Variants in PDCD11 observed in about 807,000 individuals in gnomAD.
PDCD11 encodes the protein programmed cell death 11.
Under a neutral mutation model 198.9 loss-of-function variants are expected in PDCD11, and 97 were observed. That is an observed-to-expected ratio of 0.49 (90% CI 0.41 to 0.58). The LOEUF is 0.58. Ranked by LOEUF, PDCD11 falls within the 20% of genes least tolerant of loss-of-function variation. The pLI is 0.00. For synonymous variants in PDCD11, 893 were observed against 918.0 expected (o/e 0.97, Z 0.49); for missense variants, 2,102 against 2,312.7 (o/e 0.91, Z 1.87).
In PDCD11 at chr10:103,406,031, T is replaced by G. The variant is rs1361258251; in HGVS notation, c.611T>G (p.Val204Gly). 15 of 1,614,084 alleles carry G rather than the reference T, an allele frequency of 9.3e-6. No homozygotes were observed. Among genetic ancestry groups the G allele is most frequent in the Non-Finnish European group, 1.2e-5 (14 of 1,179,950 alleles). The part of the protein sequence containing the change: ...VSSLEDHGYL[V>G]DIGVDGTRAF... ...AGCCTGGAAGACCATGGCTACCTAG[T>G]GGACATTGGTGTTGATGGGACCAGA... The change falls in exon 6 of 36, where the codon GTG (valine) becomes GGG (glycine). Residue 204 changes from valine (V) to glycine (G), a missense_variant. Physicochemically the swap from Val to Gly is moderately radical, Grantham distance 109. Transcript: ENST00000369797.
chr10:103,439,945 C>T, intron 28 of PDCD11, 77 bp downstream of exon 28: 12 of 1,546,348 alleles, frequency 7.8e-6, no homozygotes, highest in Non-Finnish European at 1.1e-5. Context: ...GAGGAGATTT[C>T]AGGGTGAACT....
intron 8 of PDCD11, among the ~76,000 whole-genome samples, 158 bp downstream of exon 8, chr10:103,409,964 A>G (rs890381669): frequency 6.6e-6 from 1 of 152,200 alleles, no homozygotes; most frequent in African/African-American, 2.4e-5. Context: ...GGCCAGATGC[A>G]GTGGCTCATG....
intron 9 of PDCD11, 58 bp downstream of exon 9, chr10:103,413,380 CAG>C (rs1228862183): frequency 2.9e-6 from 4 of 1,389,534 alleles, no homozygotes; most frequent in Non-Finnish European, 4.1e-6. Context: ...TTCTGGAGCA[CAG>C]GGGGCCATTT....
chr10:103,440,868 G>A lies in PDCD11; in HGVS notation c.4557+18G>A, dbSNP rs1447532797. On this transcript the variant is annotated intron_variant, in intron 30 of 35. Coordinates refer to ENST00000369797, the MANE Select transcript of PDCD11 (RefSeq NM_014976.2). ...TGCCCAAGGTGAGGGTGACGTCGCG[G>A]GGAGGGGAAGGCTGCTCCAGGCAAG... The A allele has an allele frequency of 6.4e-7, 1 of 1,553,686 alleles. No individual in the cohort carries two copies. Among genetic ancestry groups the A allele is most frequent in the Admixed American group, 1.7e-5 (1 of 58,186 alleles).
At chr10:103,410,359 GTTTGAT>G (rs2030722100) in intron 8 of PDCD11, among the ~76,000 whole-genome samples, 1 of 152,006 alleles carries the variant, frequency 6.6e-6, no homozygotes, top group Non-Finnish European at 1.5e-5. Context: ...CTTCCATATA[GTTTGAT>G]TTTTTTTTCC....
At chr10:103,422,660 GGTT>G (rs1303736513) in intron 17 of PDCD11, among the ~76,000 whole-genome samples, 1 of 152,044 alleles carries the variant, frequency 6.6e-6, no homozygotes, top group African/African-American at 2.4e-5. Context: ...CATTGTGTGG[GGTT>G]GTTGTAACTT....
chr10:103,443,142 T>A, intron 32 of PDCD11, 23 bp from the exon 33 acceptor site: 1 of 1,553,780 alleles, frequency 6.4e-7, no homozygotes, highest in Non-Finnish European at 8.7e-7. Context: ...GTGGCGCTCA[T>A]GTGCTGACTG....
intron 32 of PDCD11, 65 bp from the exon 33 acceptor site, chr10:103,443,100 T>G: frequency 7.0e-7 from 1 of 1,429,448 alleles, no homozygotes; most frequent in Non-Finnish European, 9.4e-7. Flanking sequence ...CCTGAGTCTG[T>G]CTGGATGGGG....
chr10:103,413,059 G>A (rs1036918154), intron 8 of PDCD11, 57 bp from the exon 9 acceptor site: 3 of 1,371,086 alleles, frequency 2.2e-6, no homozygotes, highest in African/African-American at 2.8e-5. Flanking sequence ...TGGAAGGTCT[G>A]CTCTAGGGTG....
intron 22 of PDCD11, 48 bp downstream of exon 22, chr10:103,432,282 A>G: frequency 7.7e-7 from 1 of 1,303,592 alleles, no homozygotes. Flanking sequence ...TTCTTTCAGA[A>G]AAAAGGTCAT....
intron 25 of PDCD11, among the ~76,000 whole-genome samples, chr10:103,435,514 ACAG>A (rs2133741572): frequency 6.6e-6 from 1 of 150,690 alleles, no homozygotes; most frequent in South Asian, 2.1e-4. Flanking sequence ...GGCGCGAGAC[ACAG>A]CCTTTTTTTA....
chr10:103,439,734 C>G lies in PDCD11; in HGVS notation c.4026-12C>G. 2.5e-6 allele frequency: 4 copies of G among 1,614,202 alleles called. No homozygotes were observed. In the South Asian group the frequency reaches 4.4e-5, roughly 18 times the overall value. ...ATTTGTGACCACAGGACTCTTGCCT[C>G]TCTCCTTTCAGCCTTGGCCCCTCCG... On this transcript the variant is annotated splice_polypyrimidine_tract_variant and intron_variant, in intron 27 of 35. Coordinates refer to ENST00000369797, the MANE Select transcript of PDCD11 (RefSeq NM_014976.2).
At chr10:103,416,775 C>G in intron 13 of PDCD11, 33 bp downstream of exon 13, 1 of 1,602,218 alleles carries the variant, frequency 6.2e-7, no homozygotes, top group Non-Finnish European at 8.5e-7. Context: ...CCCCTTTACC[C>G]TTGGTGACCC....
chr10:103,419,638 T>C lies in PDCD11; in HGVS notation c.2207T>C (p.Val736Ala). ...IHPGMLLIGF[V>A]KSIKDYGVFI... ...CCTGGAATGCTGCTCATTGGTTTTG[T>C]GAAGAGCATCAAGGACTATGGCGTG... The change falls in exon 16 of 36, where the codon GTG (valine) becomes GCG (alanine). Residue 736 changes from valine (V) to alanine (A), a missense_variant. Val to Ala is a moderately conservative substitution (Grantham distance 64). Coordinates refer to ENST00000369797, the MANE Select transcript of PDCD11 (RefSeq NM_014976.2). The C allele has an allele frequency of 4.3e-6, 7 of 1,614,178 alleles. No individual in the cohort carries two copies. The highest frequency in any genetic ancestry group is 5.9e-6 in the Non-Finnish European group (7 of 1,180,022).
In PDCD11 at chr10:103,438,070, A is replaced by C; in HGVS notation, c.3901A>C (p.Arg1301=). ...ATTGACTTTGTCGCTGCGATCATCC[A>C]GGTGGGTTTCTGTGTTGTTGGAAAA... ...NVLTLSLRSS[R]TNPETKSKVE... is the part of the protein sequence containing the mutation. The change falls in exon 26 of 36, where the codon AGA becomes CGA. Residue 1301 remains arginine, a splice_region_variant and synonymous_variant. Coordinates refer to ENST00000369797, the MANE Select transcript of PDCD11 (RefSeq NM_014976.2). The C allele has an allele frequency of 1.2e-6, 2 of 1,613,208 alleles. No homozygotes were observed. The highest frequency in any genetic ancestry group is 1.7e-6 in the Non-Finnish European group (2 of 1,179,194).
Position 103,400,532 on chromosome 10 carries a change from TGTTAAA to T in PDCD11, c.234+8_234+13del, listed in dbSNP as rs2029965433. 6.2e-7 allele frequency: 1 copy of T among 1,607,614 alleles called. No individual in the cohort carries two copies. The highest frequency in any genetic ancestry group is 1.3e-5 in the African/African-American group (1 of 74,528). ...GTTTGAAATCCTTAGTGTTGAGGTT[TGTTAAA>T]GTTGGTTTTCATTTAAACAATCGAC... On this transcript the variant is annotated splice_donor_5th_base_variant and intron_variant, in intron 3 of 35. Transcript: ENST00000369797.
intron 32 of PDCD11, among the ~76,000 whole-genome samples, chr10:103,442,792 CAG>C (rs372245213): frequency 2.7e-4 from 41 of 152,296 alleles, no homozygotes; most frequent in African/African-American, 8.7e-4. Flanking sequence ...GTTTTCCAAA[CAG>C]AGGGAGTTTT....
rs2133763778 is a variant in PDCD11 at position 103,446,248 on chromosome 10, T to G, written c.*699T>G. Reference sequence around the variant, plus strand: ...GACCCAGCTAGTTGTTGAAGCCAGTTCTTTTTTGTCTTGGTCATGAGGGAA... The same window carrying G: ...GACCCAGCTAGTTGTTGAAGCCAGTGCTTTTTTGTCTTGGTCATGAGGGAA... On this transcript the variant is annotated 3_prime_UTR_variant, in exon 36 of 36. Transcript: ENST00000369797. The G allele has an allele frequency of 6.6e-6, 1 of 152,442 alleles. No individual in the cohort carries two copies. Among genetic ancestry groups the G allele is most frequent in the East Asian group, 1.9e-4 (1 of 5,184 alleles). The allele number at this position is 152,442 out of a possible 1,614,324, so 9.4% of individuals were successfully genotyped here.
rs574056231 is a variant in PDCD11, at chr10:103,423,734, C to T, written c.2763+76C>T. The T allele has an allele frequency of 1.2e-4, 109 of 946,212 alleles. No homozygotes were observed. In the African/African-American group the frequency reaches 1.7e-3, roughly 15 times the overall value. 58.6% of individuals were successfully genotyped at this position (946,212 alleles called of 1,614,324 possible). A position where few individuals can be genotyped will look rare whatever the true frequency, so the allele number is the denominator to read the frequency against. On this transcript the variant is annotated intron_variant, in intron 19 of 35. Transcript: ENST00000369797. ...CAACCCCACTCCAGTTCAGGGATTCCAACTCAGATGCCTGTAGCAAGGGTA... is the reference window on the plus strand; with the variant it reads ...CAACCCCACTCCAGTTCAGGGATTCTAACTCAGATGCCTGTAGCAAGGGTA...
Sources: allele counts gnomAD v4.1 joint callset (sites outside exome capture counted in the v4.1 genomes callset), GRCh38; gene constraint gnomAD v4.1.1; transcripts MANE v1.5; gene names NCBI Gene and HGNC (gene_info 2026-07-23, HGNC 2026-07-21).